PTPRG: variants seen among roughly 807,000 people sequenced by gnomAD.
PTPRG encodes protein tyrosine phosphatase receptor type G.
A neutral mutation model predicts 165.3 loss-of-function variants in PTPRG; 102 were observed. That is an observed-to-expected ratio of 0.62 (90% CI 0.53 to 0.73). PTPRG has a LOEUF of 0.73. Among genes scored for constraint, PTPRG ranks in the 30% least tolerant of loss-of-function variants. The probability of loss-of-function intolerance (pLI) is 0.00; values close to 1 mark genes in which losing one functional copy is unlikely to be tolerated. For missense variants in PTPRG, 1,866 were observed against 1,861.4 expected (o/e 1.00, Z -0.05); for synonymous variants, 675 against 669.5 (o/e 1.01, Z -0.13).
At chr3:62,244,529 G>C (rs537991043) in intron 15 of PTPRG, among the ~76,000 whole-genome samples, 6 of 152,004 alleles carry the variant, frequency 3.9e-5, no homozygotes, top group African/African-American at 1.4e-4. Flanking sequence ...AACTTTCTAC[G>C]TCCTGGTTTC....
intron 1 of PTPRG, among the ~76,000 whole-genome samples, chr3:61,624,518 A>G (rs756613368): frequency 1.3e-5 from 2 of 152,208 alleles, no homozygotes; most frequent in Non-Finnish European, 2.9e-5. Flanking sequence ...TTTTGGGACC[A>G]TGAGGGAAAG....
At chr3:62,103,460 G>C (rs1247369349) in intron 5 of PTPRG, among the ~76,000 whole-genome samples, 1 of 152,180 alleles carries the variant, frequency 6.6e-6, no homozygotes, top group Non-Finnish European at 1.5e-5. Flanking sequence ...CTGGGATTCC[G>C]GTCTCACGGT....
chr3:62,239,051 A>G (rs1701096018), intron 14 of PTPRG, among the ~76,000 whole-genome samples: 1 of 152,190 alleles, frequency 6.6e-6, no homozygotes, highest in African/African-American at 2.4e-5. Context: ...CATGAAATAT[A>G]TGGTGGGGAA....
At chr3:62,220,767 T>C (rs1038831935) in intron 13 of PTPRG, among the ~76,000 whole-genome samples, 2 of 152,186 alleles carry the variant, frequency 1.3e-5, no homozygotes, top group Admixed American at 1.3e-4. Context: ...ACTAATCAAG[T>C]GAGGTTAACA....
chr3:62,035,008 G>A (rs1275856477), intron 4 of PTPRG, among the ~76,000 whole-genome samples: 1 of 152,154 alleles, frequency 6.6e-6, no homozygotes, highest in Non-Finnish European at 1.5e-5. Flanking sequence ...GTTCCAAGGC[G>A]GGACAGGAGT....
At chr3:61,634,884 T>A (rs1041352713) in intron 1 of PTPRG, among the ~76,000 whole-genome samples, 5 of 152,192 alleles carry the variant, frequency 3.3e-5, no homozygotes, top group Non-Finnish European at 7.3e-5. Context: ...CACAACACTG[T>A]TGAGTGAGCT....
intron 1 of PTPRG, among the ~76,000 whole-genome samples, chr3:61,706,191 C>G (rs2031241855): frequency 6.6e-6 from 1 of 151,632 alleles, no homozygotes; most frequent in Non-Finnish European, 1.5e-5. Flanking sequence ...AAGAAAAACC[C>G]AGAAATACCC....
intron 4 of PTPRG, among the ~76,000 whole-genome samples, chr3:62,074,004 G>A (rs897421725): frequency 1.3e-5 from 2 of 152,282 alleles, no homozygotes; most frequent in East Asian, 3.9e-4. Context: ...ACTTGAAAAT[G>A]GTCTGTGAAT....
chr3:61,937,610 T>C (rs1332786100), intron 2 of PTPRG, among the ~76,000 whole-genome samples: 1 of 152,240 alleles, frequency 6.6e-6, no homozygotes, highest in Non-Finnish European at 1.5e-5. Context: ...TCATACTTCA[T>C]AAGTTCTCTC....
At chr3:61,988,958 ATTCT>A (rs780379333) in intron 2 of PTPRG, among the ~76,000 whole-genome samples, 2 of 152,106 alleles carry the variant, frequency 1.3e-5, no homozygotes, top group African/African-American at 4.8e-5. Context: ...GTCCCCCCAA[ATTCT>A]TTATTTATAT....
chr3:62,283,050 T>C (rs527973863), intron 28 of PTPRG, among the ~76,000 whole-genome samples, 181 bp downstream of exon 28: 2 of 152,238 alleles, frequency 1.3e-5, no homozygotes, highest in African/African-American at 4.8e-5. Context: ...CATTTTAATA[T>C]GTCAAACTCT....
At chr3:62,051,278 A>G (rs1267206437) in intron 4 of PTPRG, among the ~76,000 whole-genome samples, 2 of 152,192 alleles carry the variant, frequency 1.3e-5, no homozygotes, top group Non-Finnish European at 2.9e-5. Flanking sequence ...TACTAATTTC[A>G]AAGTCAGTTG....
intron 2 of PTPRG, among the ~76,000 whole-genome samples, chr3:61,794,181 A>G (rs894512683): frequency 2.0e-5 from 3 of 151,916 alleles, no homozygotes; most frequent in Non-Finnish European, 2.9e-5. Context: ...TTCCACCCCC[A>G]TCTCCATTTT....
intron 3 of PTPRG, among the ~76,000 whole-genome samples, chr3:61,996,429 CT>C (rs1411934271): frequency 1.3e-5 from 2 of 152,080 alleles, no homozygotes; most frequent in Non-Finnish European, 2.9e-5. Context: ...TCAACAGTTG[CT>C]TTTTTACTCT....
chr3:61,813,904 T>TGG (rs1326833093), intron 2 of PTPRG, among the ~76,000 whole-genome samples: 12 of 150,326 alleles, frequency 8.0e-5, no homozygotes, highest in African/African-American at 2.7e-4. Flanking sequence ...TTTTTTTTTT[T>TGG]TGGGGGGGGT....
chr3:62,082,282 G>C (rs886557), intron 5 of PTPRG, among the ~76,000 whole-genome samples: 109,549 of 152,026 alleles, frequency 0.72, 40,041 homozygotes, highest in African/African-American at 0.82. Context: ...TTGGCTTTCT[G>C]TCTGCCTTTG....
At chr3:62,262,190 T>G (rs904256861) in intron 16 of PTPRG, 1 of 152,202 alleles carries the variant, frequency 6.6e-6, no homozygotes, top group Non-Finnish European at 1.5e-5. Flanking sequence ...TTTAAAATAC[T>G]AGAGTTCACA....
intron 1 of PTPRG, among the ~76,000 whole-genome samples, chr3:61,667,395 A>G (rs1575575787): frequency 1.3e-5 from 2 of 152,196 alleles, no homozygotes; most frequent in East Asian, 1.9e-4. Flanking sequence ...CTATAACAGA[A>G]AGAAAAATAT....
intron 5 of PTPRG, among the ~76,000 whole-genome samples, chr3:62,106,675 G>T (rs1257841899): frequency 6.6e-6 from 1 of 152,004 alleles, no homozygotes; most frequent in Admixed American, 6.6e-5. Flanking sequence ...GCTAACTTTT[G>T]TATGTTTTGT....
Sources: gnomAD v4.1 joint callset for allele counts (sites outside exome capture counted in the v4.1 genomes callset) on GRCh38, gnomAD v4.1.1 for gene constraint, MANE v1.5 for transcripts, NCBI Gene and HGNC (gene_info 2026-07-23, HGNC 2026-07-21) for gene names.